PLA2G15: variants seen among roughly 807,000 people sequenced by gnomAD.
PLA2G15 encodes the protein lysosomal phospholipase A and acyltransferase.
In PLA2G15, 20 loss-of-function variants were observed where a neutral mutation model predicts 40.9. The observed-to-expected ratio is 0.49, with a 90% CI of 0.34 to 0.71. The LOEUF is 0.71. Among genes scored for constraint, PLA2G15 ranks in the 30% least tolerant of loss-of-function variants. The pLI is 0.01. For missense variants in PLA2G15, 471 were observed against 541.9 expected, an observed-to-expected ratio of 0.87 and a Z score of 1.30; for synonymous variants, 223 against 228.2, an observed-to-expected ratio of 0.98 and a Z score of 0.21.
chr16:68,259,914 G>T lies in PLA2G15; in HGVS notation c.*257G>T. On this transcript the variant is annotated 3_prime_UTR_variant, in exon 6 of 6. Transcript: ENST00000219345. This position sits in a 1 kb window ranked among gnomAD's most constrained non-coding sequence, Gnocchi z 6.5. ...TGATGGTGGAACTGCTGTGACCTTAGGACTGGCTCCACAGGGTGGACTGGC... is the reference window on the plus strand; with the variant it reads ...TGATGGTGGAACTGCTGTGACCTTATGACTGGCTCCACAGGGTGGACTGGC... The T allele has an allele frequency of 3.7e-6, 2 of 538,448 alleles. No individual in the cohort carries two copies. Among genetic ancestry groups the T allele is most frequent in the Non-Finnish European group, 6.7e-6 (2 of 300,196 alleles). 33.4% of individuals were successfully genotyped at this position (538,448 alleles called of 1,614,324 possible).
At chr16:68,254,311 T>TTTTATTTATTTATTTATTTA (rs148836384) in intron 2 of PLA2G15, 1 of 139,610 alleles carries the variant, frequency 7.2e-6, no homozygotes, top group Non-Finnish European at 1.5e-5. Flanking sequence ...TGCTTTTTAT[T>TTTTATTTATTTATTTATTTA]TTTATTTATT....
chr16:68,255,320 T>A lies in PLA2G15; in HGVS notation c.442T>A (p.Trp148Arg). The A allele has an allele frequency of 6.2e-7, 1 of 1,614,020 alleles. No homozygotes were observed. Among genetic ancestry groups the A allele is most frequent in the Non-Finnish European group, 8.5e-7 (1 of 1,179,912 alleles). The change falls in exon 4 of 6, where the codon TGG becomes AGG. Residue 148 changes from tryptophan (W) to arginine (R), a missense_variant. Physicochemically the swap from Trp to Arg is moderately radical, Grantham distance 101. Transcript: ENST00000219345. The surrounding 1 kb of genome is among the most constrained non-coding windows in gnomAD (Gnocchi z 5.9). ...FHTMVESLVG[W>R]GYTRGEDVRG... ...CACCATGGTGGAGAGCCTTGTGGGC[T>A]GGGGCTACACACGGGGTGAGGATGT...
At chr16:68,253,116 C>T (rs2042368428) in intron 2 of PLA2G15, among the ~76,000 whole-genome samples, 2 of 152,192 alleles carry the variant, frequency 1.3e-5, no homozygotes, top group Admixed American at 6.6e-5. Context: ...GTTGATACAG[C>T]CCTGGGGTAC....
chr16:68,250,564 C>T (rs943141891), intron 2 of PLA2G15, among the ~76,000 whole-genome samples: 2 of 152,152 alleles, frequency 1.3e-5, no homozygotes, highest in African/African-American at 4.8e-5. Flanking sequence ...AGCCACCACA[C>T]CCAGCCCCAT....
rs755311785 is a variant in PLA2G15 at position 68,259,347 on chromosome 16, T to G, written c.929T>G (p.Met310Arg). 6.2e-7 allele frequency: 1 copy of G among 1,614,012 alleles called. No homozygotes were observed. ...QDIGFEDGWL[M>R]RQDTEGLVEA... ...ATCGGCTTTGAAGATGGCTGGCTCA[T>G]GCGGCAGGACACAGAAGGGCTGGTG... The change falls in exon 6 of 6, where the codon ATG (methionine) becomes AGG (arginine). Residue 310 changes from methionine to arginine, a missense_variant. Coordinates refer to ENST00000219345, the MANE Select transcript of PLA2G15 (RefSeq NM_012320.4). This position sits in a 1 kb window ranked among gnomAD's most constrained non-coding sequence, Gnocchi z 6.5.
intron 2 of PLA2G15, among the ~76,000 whole-genome samples, chr16:68,251,612 G>A (rs1053828290): frequency 1.3e-5 from 2 of 152,128 alleles, no homozygotes; most frequent in East Asian, 1.9e-4. Flanking sequence ...AACCTGGGTG[G>A]TGGAAGTTGC....
At chr16:68,250,081 T>G (rs2042341007) in intron 2 of PLA2G15, among the ~76,000 whole-genome samples, 1 of 151,776 alleles carries the variant, frequency 6.6e-6, no homozygotes, top group Non-Finnish European at 1.5e-5. Context: ...CAGCTGCTTA[T>G]TCTTCTTGGG....
rs1048093434 is a variant in PLA2G15, at chr16:68,259,751, C to T, written c.*94C>T. 2.4e-6 allele frequency: 3 copies of T among 1,231,310 alleles called. No individual in the cohort carries two copies. Among genetic ancestry groups the T allele is most frequent in the Non-Finnish European group, 2.3e-6 (2 of 880,654 alleles). The allele number at this position is 1,231,310 out of a possible 1,614,324, so 76.3% of individuals were successfully genotyped here. A position where few individuals can be genotyped will look rare whatever the true frequency, so the allele number is the denominator to read the frequency against. On this transcript the variant is annotated 3_prime_UTR_variant, in exon 6 of 6. Transcript: ENST00000219345. This position sits in a 1 kb window ranked among gnomAD's most constrained non-coding sequence, Gnocchi z 6.5. ...CACGCGTTTTGCAAAGTTTGTGACT[C>T]ACCATTCAAGGCCCCGAGTCTTGGA...
At chr16:68,246,654 A>G (rs1237838962) in intron 1 of PLA2G15, among the ~76,000 whole-genome samples, 1 of 152,176 alleles carries the variant, frequency 6.6e-6, no homozygotes, top group Non-Finnish European at 1.5e-5. Flanking sequence ...CTTGCAGGAT[A>G]GGAATAACAG....
At position 68,259,038 on chromosome 16, in the gene PLA2G15, C is replaced by T. The variant is rs2151206881; in HGVS notation, c.728-108C>T. The T allele has an allele frequency of 1.2e-6, 1 of 814,504 alleles. No homozygotes were observed. The highest frequency in any genetic ancestry group is 1.6e-5 in the South Asian group (1 of 60,956). 50.5% of individuals were successfully genotyped at this position (814,504 alleles called of 1,614,324 possible). A position where few individuals can be genotyped will look rare whatever the true frequency, so the allele number is the denominator to read the frequency against. On this transcript the variant is annotated intron_variant, in intron 5 of 5. Coordinates refer to ENST00000219345, the MANE Select transcript of PLA2G15 (RefSeq NM_012320.4). The surrounding 1 kb of genome is among the most constrained non-coding windows in gnomAD (Gnocchi z 6.5). ...ATGATAACCGGGTAGAGATGCGGGA[C>T]TGTGGACTGGGCCCCTGGCTGGGGT...
At position 68,260,738 on chromosome 16, in the gene PLA2G15, G is replaced by A. The variant is rs1169541833; in HGVS notation, c.*1081G>A. 6.6e-6 allele frequency: 1 copy of A among 152,210 alleles called. No homozygotes were observed. The highest frequency in any genetic ancestry group is 1.5e-5 in the Non-Finnish European group (1 of 68,042). 9.4% of individuals were successfully genotyped at this position (152,210 alleles called of 1,614,324 possible). A position where few individuals can be genotyped will look rare whatever the true frequency, so the allele number is the denominator to read the frequency against. On this transcript the variant is annotated 3_prime_UTR_variant, in exon 6 of 6. Coordinates refer to ENST00000219345, the MANE Select transcript of PLA2G15 (RefSeq NM_012320.4). ...CCAGGGGTCCCCTGAGGCCCCCCTA[G>A]GGGCTTTCTGTCTGCCCCAGGGTGC...
chr16:68,251,438 T>C (rs867020084), intron 2 of PLA2G15, among the ~76,000 whole-genome samples: 1 of 152,098 alleles, frequency 6.6e-6, no homozygotes, highest in Non-Finnish European at 1.5e-5. Flanking sequence ...TCCCAGCACT[T>C]TGGGAGGCTG....
At chr16:68,249,476 C>T (rs1478612672) in intron 2 of PLA2G15, 30 bp downstream of exon 2, 1 of 1,608,646 alleles carries the variant, frequency 6.2e-7, no homozygotes, top group Admixed American at 1.7e-5. Flanking sequence ...GAGGGGGGTG[C>T]TGCTCACCAA....
chr16:68,256,003 C>T lies in PLA2G15; in HGVS notation c.727+13C>T, dbSNP rs1164600377. On this transcript the variant is annotated intron_variant, in intron 5 of 5. Transcript: ENST00000219345. ...GTCCTGGCTTCAGGTAAGACCCTAC[C>T]TGGCCCAGCGTGGGGGGCTGTTGCC... 5 of 1,561,216 alleles carry T rather than the reference C, an allele frequency of 3.2e-6. No individual in the cohort carries two copies. The highest frequency in any genetic ancestry group is 4.4e-6 in the Non-Finnish European group (5 of 1,142,650).
intron 1 of PLA2G15, 76 bp from the exon 2 acceptor site, chr16:68,249,214 G>A (rs1237055498): frequency 8.1e-7 from 1 of 1,234,746 alleles, no homozygotes. Flanking sequence ...CAGGGGGTCT[G>A]CTGCAGACAT....
At chr16:68,258,480 C>G (rs1270530849) in intron 5 of PLA2G15, among the ~76,000 whole-genome samples, 1 of 152,146 alleles carries the variant, frequency 6.6e-6, no homozygotes, top group Non-Finnish European at 1.5e-5. Flanking sequence ...GTATGTGCCG[C>G]CTTACTCCCT....
At chr16:68,250,480 C>T (rs1303792504) in intron 2 of PLA2G15, 1 of 216,598 alleles carries the variant, frequency 4.6e-6, no homozygotes. Flanking sequence ...ACCGTGTTAA[C>T]CAGGATGGTC....
chr16:68,252,495 C>A, intron 2 of PLA2G15: 1 of 455,572 alleles, frequency 2.2e-6, no homozygotes. Context: ...CTGTTCCCAT[C>A]ATTTCTTCAG....
chr16:68,245,681 A>G, intron 1 of PLA2G15, 128 bp downstream of exon 1: 1 of 1,117,844 alleles, frequency 8.9e-7, no homozygotes, highest in South Asian at 1.5e-5. Flanking sequence ...CTTGTCACTT[A>G]GGTGATCTAG....
Sources: allele counts gnomAD v4.1 joint callset (sites outside exome capture counted in the v4.1 genomes callset), GRCh38; gene constraint gnomAD v4.1.1; non-coding constraint Gnocchi (gnomAD v3.1); transcripts MANE v1.5; gene names NCBI Gene and HGNC (gene_info 2026-07-23, HGNC 2026-07-21).